Variants in SLC8A1 observed in about 807,000 individuals in gnomAD.
The protein encoded by SLC8A1 is sodium/calcium exchanger 1.
In SLC8A1, 18 loss-of-function variants were observed where a neutral mutation model predicts 68.3. The ratio of observed to expected loss-of-function variants is 0.26; its 90% CI spans 0.18 to 0.39. The LOEUF (loss-of-function observed/expected upper bound fraction) is 0.39. Among genes scored for constraint, SLC8A1 ranks in the 10% least tolerant of loss-of-function variants. The probability of loss-of-function intolerance (pLI) is 1.00; values close to 1 mark genes in which losing one functional copy is unlikely to be tolerated. For synonymous variants in SLC8A1, 475 were observed against 415.5 expected, an observed-to-expected ratio of 1.14 and a Z score of -1.74; for missense variants, 985 against 1,156.7, an observed-to-expected ratio of 0.85 and a Z score of 2.15.
chr2:40,204,114 C>G (rs977654395), intron 2 of SLC8A1, among the ~76,000 whole-genome samples: 1 of 151,974 alleles, frequency 6.6e-6, no homozygotes. Flanking sequence ...GAAAAATGCA[C>G]ACATGCTTTT....
At chr2:40,479,245 T>C (rs1275732555) in intron 1 of SLC8A1, among the ~76,000 whole-genome samples, 3 of 152,356 alleles carry the variant, frequency 2.0e-5, no homozygotes, top group Middle Eastern at 3.4e-3. Context: ...TAGTATCTTT[T>C]TCAAATAAAT....
chr2:40,478,164 T>C (rs1412000729), intron 1 of SLC8A1, among the ~76,000 whole-genome samples: 1 of 152,170 alleles, frequency 6.6e-6, no homozygotes, highest in Non-Finnish European at 1.5e-5. Context: ...CTGGGGATGA[T>C]AAAACCCTTG....
At chr2:40,184,672 G>A (rs2050307131) in intron 2 of SLC8A1, among the ~76,000 whole-genome samples, 1 of 152,028 alleles carries the variant, frequency 6.6e-6, no homozygotes, top group African/African-American at 2.4e-5. Flanking sequence ...CTGCCACAGA[G>A]CCTCTGAGCC....
At chr2:40,447,693 G>A (rs1289954120) in intron 1 of SLC8A1, among the ~76,000 whole-genome samples, 2 of 151,836 alleles carry the variant, frequency 1.3e-5, no homozygotes, top group African/African-American at 4.8e-5. Context: ...CTATTAGATA[G>A]AATTCCTTTA....
intron 2 of SLC8A1, among the ~76,000 whole-genome samples, chr2:40,410,596 A>C (rs1691810864): frequency 6.6e-6 from 1 of 152,040 alleles, no homozygotes; most frequent in Admixed American, 6.6e-5. Context: ...AATTAGAAAA[A>C]ATGTTTTACA....
chr2:40,503,702 A>G (rs1706189206), intron 1 of SLC8A1, among the ~76,000 whole-genome samples: 1 of 152,154 alleles, frequency 6.6e-6, no homozygotes, highest in East Asian at 1.9e-4. Context: ...AATCCCATTT[A>G]TATTAGCCAC....
At chr2:40,463,831 CACACACAT>C (rs1187450715) in intron 1 of SLC8A1, among the ~76,000 whole-genome samples, 75 of 111,842 alleles carry the variant, frequency 6.7e-4, no homozygotes, top group Admixed American at 1.6e-3. Context: ...TACATACACA[CACACACAT>C]ACACACACAC....
chr2:40,164,846 G>A lies in SLC8A1; in HGVS notation c.2061+8C>T. ...CTGGCTCCTGGTGGGCAGTGTTGGT[G>A]AGCATACCTTGAATTCATAGGATTC... is the stretch of plus-strand genomic sequence containing the variant. On this transcript the variant is annotated splice_region_variant and intron_variant, in intron 5 of 7. Transcript: ENST00000406785. The A allele has an allele frequency of 6.2e-7, 1 of 1,613,512 alleles. No homozygotes were observed. The highest frequency in any genetic ancestry group is 8.5e-7 in the Non-Finnish European group (1 of 1,179,722).
intron 2 of SLC8A1, among the ~76,000 whole-genome samples, chr2:40,338,337 G>T (rs1461947324): frequency 6.6e-6 from 1 of 152,188 alleles, no homozygotes; most frequent in Admixed American, 6.5e-5. Context: ...AACAGTGTGT[G>T]TGTGTATATA....
rs1156870450 is a variant in SLC8A1 at position 40,164,996 on chromosome 2, A to G, written c.1931-12T>C. On this transcript the variant is annotated splice_polypyrimidine_tract_variant and intron_variant, in intron 4 of 7. Coordinates refer to ENST00000406785, the Ensembl canonical transcript of SLC8A1. Reference sequence around the variant, plus strand: ...GTCATCATATTCGTCTGTGAAACGGAAGTATCAGAGAGTGAGCACTGTGTT... The same window carrying G: ...GTCATCATATTCGTCTGTGAAACGGGAGTATCAGAGAGTGAGCACTGTGTT... The G allele has an allele frequency of 1.2e-6, 2 of 1,613,534 alleles. No homozygotes were observed. The highest frequency in any genetic ancestry group is 3.3e-5 in the Admixed American group (2 of 60,006).
At chr2:40,305,514 A>T (rs1320635149) in intron 2 of SLC8A1, among the ~76,000 whole-genome samples, 1 of 152,232 alleles carries the variant, frequency 6.6e-6, no homozygotes, top group Non-Finnish European at 1.5e-5. Context: ...GGATCAAGTT[A>T]TAGAAGCTAT....
At chr2:40,451,380 C>A (rs572809915) in intron 1 of SLC8A1, among the ~76,000 whole-genome samples, 1 of 152,302 alleles carries the variant, frequency 6.6e-6, no homozygotes, top group South Asian at 2.1e-4. Context: ...CTCCGCAGTC[C>A]GTGGTGAATG....
intron 2 of SLC8A1, among the ~76,000 whole-genome samples, chr2:40,328,312 T>C (rs2076056598): frequency 6.6e-6 from 1 of 152,206 alleles, no homozygotes; most frequent in Admixed American, 6.5e-5. Flanking sequence ...TCTTTCACCT[T>C]TGTCCTTGAA....
intron 2 of SLC8A1, among the ~76,000 whole-genome samples, chr2:40,266,353 T>A (rs773395070): frequency 2.6e-5 from 4 of 152,132 alleles, no homozygotes; most frequent in Non-Finnish European, 5.9e-5. Context: ...ACTAGCTATA[T>A]CACTCTGAAG....
chr2:40,239,051 G>GAA (rs35656645), intron 2 of SLC8A1, among the ~76,000 whole-genome samples: 5 of 146,576 alleles, frequency 3.4e-5, no homozygotes, highest in African/African-American at 1.3e-4. Flanking sequence ...AATTGCAGCA[G>GAA]AAAAAAAAAA....
At chr2:40,429,916 G>T (rs1299465995) in exon 2 of SLC8A1, 1 of 1,613,474 alleles carries the variant, frequency 6.2e-7, no homozygotes, top group Admixed American at 1.7e-5. Context: ...TGTCTTGGTG[G>T]TCTCTCCATT....
intron 2 of SLC8A1, among the ~76,000 whole-genome samples, chr2:40,413,525 C>T (rs1156658958): frequency 1.3e-5 from 2 of 152,218 alleles, no homozygotes; most frequent in East Asian, 3.9e-4. Context: ...TAAGCAGAGC[C>T]CTTTTTTCTT....
intron 2 of SLC8A1, among the ~76,000 whole-genome samples, chr2:40,206,384 A>G (rs986938862): frequency 6.6e-6 from 1 of 152,090 alleles, no homozygotes; most frequent in African/African-American, 2.4e-5. Flanking sequence ...ACAAAATCCT[A>G]TTAACTCAAA....
At chr2:40,205,708 A>G (rs1453336314) in intron 2 of SLC8A1, among the ~76,000 whole-genome samples, 2 of 152,004 alleles carry the variant, frequency 1.3e-5, no homozygotes, top group African/African-American at 4.8e-5. Context: ...ACTAGGCTTA[A>G]TAACTGGATG....
Sources: gnomAD v4.1 joint callset for allele counts (sites outside exome capture counted in the v4.1 genomes callset) on GRCh38, gnomAD v4.1.1 for gene constraint, MANE v1.5 for transcripts, NCBI Gene and HGNC (gene_info 2026-07-23, HGNC 2026-07-21) for gene names.